Variants in BMAL2 observed in about 807,000 individuals in gnomAD.
BMAL2 encodes basic helix-loop-helix ARNT-like protein 2.
the BMAL2 span, among the ~76,000 whole-genome samples, chr12:27,401,891 T>G: frequency 1.3e-4 from 20 of 152,210 alleles, no homozygotes. Flanking sequence ...CCTTCTTACT[T>G]GATATAATAT....
At chr12:27,346,115 A>G in the BMAL2 span, among the ~76,000 whole-genome samples, 2 of 152,178 alleles carry the variant, frequency 1.3e-5, no homozygotes, top group Non-Finnish European at 2.9e-5. Flanking sequence ...TTTTGTCCTT[A>G]TTCTTAACTG....
chr12:27,352,556 A>G, the BMAL2 span, among the ~76,000 whole-genome samples: 1 of 78,198 alleles, frequency 1.3e-5, no homozygotes, highest in East Asian at 4.0e-4. Flanking sequence ...AACCACTCCT[A>G]CTCAACATAG....
chr12:27,340,540 A>G, the BMAL2 span, among the ~76,000 whole-genome samples: 1 of 150,644 alleles, frequency 6.6e-6, no homozygotes, highest in East Asian at 1.9e-4. Flanking sequence ...GGCAATGGTG[A>G]TACTTCCAGC....
chr12:27,420,090 G>A, the BMAL2 span, among the ~76,000 whole-genome samples: 1 of 151,374 alleles, frequency 6.6e-6, no homozygotes, highest in Non-Finnish European at 1.5e-5. Context: ...AGCTCTCTGA[G>A]AGTCTGTACC....
the BMAL2 span, among the ~76,000 whole-genome samples, chr12:27,406,193 C>A: frequency 1.7e-4 from 26 of 152,182 alleles, no homozygotes; most frequent in Non-Finnish European, 3.5e-4. Context: ...AGGAGAACTT[C>A]CCCAATCTAG....
At chr12:27,414,492 A>G in the BMAL2 span, among the ~76,000 whole-genome samples, 1 of 152,180 alleles carries the variant, frequency 6.6e-6, no homozygotes, top group African/African-American at 2.4e-5. Flanking sequence ...GAAGTCAGTA[A>G]CAAGAGGAAA....
chr12:27,342,135 A>T, the BMAL2 span, among the ~76,000 whole-genome samples: 1 of 152,182 alleles, frequency 6.6e-6, no homozygotes, highest in African/African-American at 2.4e-5. Flanking sequence ...ACGTGGTTTC[A>T]TCATGATGGT....
chr12:27,357,870 A>T, the BMAL2 span, among the ~76,000 whole-genome samples: 1 of 152,226 alleles, frequency 6.6e-6, no homozygotes, highest in Non-Finnish European at 1.5e-5. Context: ...CTCAAGATGG[A>T]TCAAGGACTT....
chr12:27,335,074 G>A, the BMAL2 span, among the ~76,000 whole-genome samples: 8 of 152,314 alleles, frequency 5.3e-5, no homozygotes, highest in Admixed American at 2.6e-4. Context: ...AACGCTCAAC[G>A]AAACCTCTAG....
the BMAL2 span, among the ~76,000 whole-genome samples, chr12:27,371,443 T>C: frequency 6.6e-6 from 1 of 152,162 alleles, no homozygotes; most frequent in East Asian, 1.9e-4. Flanking sequence ...CGTGCAGGCA[T>C]ACAGGTATGT....
chr12:27,348,450 A>G, the BMAL2 span, among the ~76,000 whole-genome samples: 1 of 152,170 alleles, frequency 6.6e-6, no homozygotes, highest in East Asian at 1.9e-4. Flanking sequence ...ATTAAACTTA[A>G]CAGAAAAAAA....
At chr12:27,350,228 G>A in the BMAL2 span, among the ~76,000 whole-genome samples, 1 of 152,220 alleles carries the variant, frequency 6.6e-6, no homozygotes, top group South Asian at 2.1e-4. Context: ...ACTAACTGAT[G>A]CTTTCAATCA....
chr12:27,418,632 TA>T, the BMAL2 span, among the ~76,000 whole-genome samples: 7 of 151,624 alleles, frequency 4.6e-5, no homozygotes, highest in East Asian at 1.9e-4. Context: ...AATAAATAAA[TA>T]TTTTTTTTGT....
chr12:27,348,138 C>G, the BMAL2 span, among the ~76,000 whole-genome samples: 1 of 152,228 alleles, frequency 6.6e-6, no homozygotes, highest in African/African-American at 2.4e-5. Context: ...AAGTGATTGC[C>G]TGAGTCCATT....
At chr12:27,389,670 T>C in the BMAL2 span, 3 of 187,964 alleles carry the variant, frequency 1.6e-5, no homozygotes, top group Admixed American at 1.2e-4. Context: ...GATTAGGTCT[T>C]TTCTGTATGA....
the BMAL2 span, among the ~76,000 whole-genome samples, chr12:27,411,461 A>AG: frequency 1.1e-4 from 17 of 151,610 alleles, no homozygotes; most frequent in East Asian, 3.9e-4. Context: ...AAAAAAAAAA[A>AG]AGAGAGATTA....
At chr12:27,339,978 G>A in the BMAL2 span, among the ~76,000 whole-genome samples, 1 of 151,862 alleles carries the variant, frequency 6.6e-6, no homozygotes, top group Non-Finnish European at 1.5e-5. Flanking sequence ...TTAAGTTTCT[G>A]ATAGATGCTG....
chr12:27,386,258 C>CA, the BMAL2 span, among the ~76,000 whole-genome samples: 1 of 152,134 alleles, frequency 6.6e-6, no homozygotes, highest in Non-Finnish European at 1.5e-5. Context: ...TTGAAGGTGG[C>CA]AAAATGTACG....
the BMAL2 span, among the ~76,000 whole-genome samples, chr12:27,404,929 A>C: frequency 6.6e-6 from 1 of 152,180 alleles, no homozygotes; most frequent in Admixed American, 6.5e-5. Context: ...TGGTCTTAGC[A>C]AGCAGCACAC....
Sources: gnomAD v4.1 joint callset for allele counts (sites outside exome capture counted in the v4.1 genomes callset) on GRCh38, gnomAD v4.1.1 for gene constraint, MANE v1.5 for transcripts, NCBI Gene and HGNC (gene_info 2026-07-23, HGNC 2026-07-21) for gene names.